MED26: variants seen among roughly 807,000 people sequenced by gnomAD.
MED26 encodes the protein mediator of RNA polymerase II transcription subunit 26.
In MED26, 7 loss-of-function variants were observed where a neutral mutation model predicts 43.7. That is an observed-to-expected ratio of 0.16 (90% confidence interval 0.09 to 0.30). MED26 has a LOEUF of 0.30. Ranked by LOEUF, MED26 falls within the 10% of genes least tolerant of loss-of-function variation. MED26 has a pLI of 1.00. For missense variants in MED26, 784 were observed against 840.6 expected (o/e 0.93, Z 0.83); for synonymous variants, 375 against 371.1 (o/e 1.01, Z -0.12).
intron 1 of MED26, among the ~76,000 whole-genome samples, chr19:16,590,627 C>T (rs2086091369): frequency 6.6e-6 from 1 of 152,156 alleles, no homozygotes; most frequent in Non-Finnish European, 1.5e-5. Flanking sequence ...AATTTCAGCT[C>T]CCTTTCTTTG....
At position 16,576,772 on chromosome 19, in the gene MED26, C is replaced by T; in HGVS notation, c.1058G>A (p.Gly353Glu). 2.5e-6 allele frequency: 4 copies of T among 1,607,114 alleles called. No homozygotes were observed. In the South Asian group the frequency reaches 4.4e-5, roughly 18 times the overall value. The change falls in exon 3 of 3, where the codon GGG becomes GAG. Residue 353 changes from glycine to glutamate, a missense_variant. Gly to Glu is a moderately conservative substitution (Grantham distance 98, BLOSUM62 -2). This residue lies in a region of MED26 where 719 missense variants were observed against 730.9 expected (regional missense o/e 0.98). Coordinates refer to ENST00000263390, the MANE Select transcript of MED26 (RefSeq NM_004831.5). The surrounding 1 kb of genome is among the most constrained non-coding windows in gnomAD (Gnocchi z 6.8). ...GGACAGCCCTGCCTTGCAGCCCGGC[C>T]CCGCCAGCCGCTGGTGGCTCTCAGG... ...EQPESHQRLA[G>E]PGCKAGLSPA...
intron 1 of MED26, among the ~76,000 whole-genome samples, chr19:16,623,653 A>G (rs1568292128): frequency 6.6e-6 from 1 of 152,134 alleles, no homozygotes. Context: ...TCCAGCCCCA[A>G]TCTGTAATCT....
chr19:16,614,761 A>C (rs915525665), intron 1 of MED26, among the ~76,000 whole-genome samples: 17 of 152,152 alleles, frequency 1.1e-4, no homozygotes, highest in African/African-American at 3.6e-4. Context: ...CCCTCGAACC[A>C]TGGGAGGAAT....
chr19:16,620,334 G>A lies in MED26; in HGVS notation c.72+7538C>T, dbSNP rs117930913. ...ATCTAGCCTCCTTCCAGCTGTGTCCGCTGAGCCTCAGTTTCCTCACTAGTA... is the reference window on the plus strand; with the variant it reads ...ATCTAGCCTCCTTCCAGCTGTGTCCACTGAGCCTCAGTTTCCTCACTAGTA... On this transcript the variant is annotated intron_variant, in intron 1 of 2. Coordinates refer to ENST00000263390, the MANE Select transcript of MED26 (RefSeq NM_004831.5). 1.5e-3 allele frequency among the ~76,000 whole-genome samples: 233 copies of A among 152,300 alleles called. 4 individuals are homozygous for A. In the East Asian group the frequency reaches 0.036, roughly 24 times the overall value.
chr19:16,578,149 C>G, intron 2 of MED26, 186 bp downstream of exon 2: 1 of 639,430 alleles, frequency 1.6e-6, no homozygotes, highest in Non-Finnish European at 2.8e-6. Flanking sequence ...GGGAGTAACA[C>G]CACTTGGTCT....
At chr19:16,606,695 G>A (rs539115432) in intron 1 of MED26, among the ~76,000 whole-genome samples, 1 of 152,242 alleles carries the variant, frequency 6.6e-6, no homozygotes, top group Non-Finnish European at 1.5e-5. Flanking sequence ...GCTCAGTGAT[G>A]AAGTCAGCAA....
intron 1 of MED26, among the ~76,000 whole-genome samples, chr19:16,582,236 G>C (rs1238710809): frequency 6.6e-6 from 1 of 152,254 alleles, no homozygotes; most frequent in Non-Finnish European, 1.5e-5. Context: ...GCCCTGCCCT[G>C]CGACCTCTGG....
chr19:16,614,208 C>T (rs532284540), intron 1 of MED26, among the ~76,000 whole-genome samples: 44 of 152,260 alleles, frequency 2.9e-4, no homozygotes, highest in Non-Finnish European at 4.3e-4. Context: ...CTGAAGCCTT[C>T]CAGCTAAGGT....
At chr19:16,578,242 A>G (rs1274396508) in intron 2 of MED26, 93 bp downstream of exon 2, 3 of 1,191,168 alleles carry the variant, frequency 2.5e-6, no homozygotes, top group East Asian at 4.7e-5. Flanking sequence ...AAGCAAAGAC[A>G]CTGATGCTCC....
intron 1 of MED26, among the ~76,000 whole-genome samples, chr19:16,603,078 C>T (rs1236968852): frequency 1.3e-5 from 2 of 152,224 alleles, no homozygotes; most frequent in African/African-American, 4.8e-5. Context: ...CTAAGAGGTC[C>T]TCCTGCCAGG....
chr19:16,583,997 C>G (rs977504285), intron 1 of MED26, among the ~76,000 whole-genome samples: 9 of 152,170 alleles, frequency 5.9e-5, no homozygotes, highest in Non-Finnish European at 2.9e-5. Flanking sequence ...CCCAGGAACA[C>G]ACGCATGGGG....
chr19:16,577,125 C>T lies in MED26; in HGVS notation c.705G>A (p.Leu235=), dbSNP rs1440904159. 2 of 1,613,234 alleles carry T rather than the reference C, an allele frequency of 1.2e-6. No individual in the cohort carries two copies. The highest frequency in any genetic ancestry group is 1.1e-5 in the South Asian group (1 of 91,076). ...GCAAGCAGGGTCCAGGGGGCTTGCC[C>T]AGGCCCGGGGAGCTGGTGTGCGGTC... ...AVRPHTSSPG[L]GKPPGPCLQP... The change falls in exon 3 of 3, where the codon CTG becomes CTA. Residue 235 remains leucine (L), a synonymous_variant. Transcript: ENST00000263390. The surrounding 1 kb of genome is among the most constrained non-coding windows in gnomAD (Gnocchi z 8.1).
intron 1 of MED26, among the ~76,000 whole-genome samples, chr19:16,622,865 C>G (rs1399933208): frequency 6.6e-6 from 1 of 152,216 alleles, no homozygotes; most frequent in Non-Finnish European, 1.5e-5. Flanking sequence ...CCTGGTTAAA[C>G]TAGAGCTCCA....
intron 1 of MED26, among the ~76,000 whole-genome samples, chr19:16,600,186 GGT>G (rs2086142037): frequency 2.0e-5 from 3 of 151,032 alleles, no homozygotes; most frequent in Non-Finnish European, 4.4e-5. Flanking sequence ...TCCTGCCACA[GGT>G]CCCTGCAGCA....
In MED26 at chr19:16,580,338, C is replaced by G. The variant is rs531116855; in HGVS notation, c.73-1929G>C. ...TCCTCTCTAGAGGATCCATTTCCTG[C>G]TCCTTCAGGTGTTAGCAGAGTTCAG... On this transcript the variant is annotated intron_variant, in intron 1 of 2. Coordinates refer to ENST00000263390, the MANE Select transcript of MED26 (RefSeq NM_004831.5). Among the ~76,000 whole-genome samples, 4 of 152,124 alleles carry G rather than the reference C, an allele frequency of 2.6e-5. No individual in the cohort carries two copies. In the South Asian group the frequency reaches 8.3e-4, roughly 32 times the overall value.
chr19:16,597,622 G>A lies in MED26; in HGVS notation c.73-19213C>T, dbSNP rs115314125. On this transcript the variant is annotated intron_variant, in intron 1 of 2. Coordinates refer to ENST00000263390, the MANE Select transcript of MED26 (RefSeq NM_004831.5). ...ACCCTCTCTCTCCTGGTTCCCAGCA[G>A]CACACAGAGGTGCGTCCGGCTCTGT... Among the ~76,000 whole-genome samples the A allele has an allele frequency of 4.1e-3, 623 of 152,320 alleles. 7 individuals are homozygous for A. Among genetic ancestry groups the A allele is most frequent in the African/African-American group, 0.014 (599 of 41,566 alleles).
rs1460240990 is a variant in MED26, at chr19:16,586,020, C to T, written c.73-7611G>A. Among the ~76,000 whole-genome samples the T allele has an allele frequency of 1.3e-5, 2 of 152,260 alleles. No individual in the cohort carries two copies. The highest frequency in any genetic ancestry group is 2.9e-5 in the Non-Finnish European group (2 of 68,044). On this transcript the variant is annotated intron_variant, in intron 1 of 2. Transcript: ENST00000263390. This position sits in a 1 kb window ranked among gnomAD's most constrained non-coding sequence, Gnocchi z 5.1. ...ACTGAGACTGAGTTTTGAGTCCCAG[C>T]AGCCCCTTGGCTTGCCTCTCCATTT... is the stretch of plus-strand genomic sequence containing the variant.
intron 1 of MED26, among the ~76,000 whole-genome samples, chr19:16,595,419 C>T (rs1162902485): frequency 3.3e-5 from 5 of 152,224 alleles, no homozygotes; most frequent in African/African-American, 1.2e-4. Context: ...TACTGAGCCA[C>T]TGCTGTTGTC....
Position 16,575,258 on chromosome 19 carries a change from G to T in MED26, c.*769C>A, listed in dbSNP as rs1238341542. ...TAGATGTGTACAGGAAGGGAAAAAA[G>T]AAAAGGGAGGAAGAAAGGAAAGGTT... On this transcript the variant is annotated 3_prime_UTR_variant, in exon 3 of 3. Transcript: ENST00000263390. The T allele has an allele frequency of 1.3e-5, 2 of 152,626 alleles. No individual in the cohort carries two copies. Among genetic ancestry groups the T allele is most frequent in the African/African-American group, 4.8e-5 (2 of 41,452 alleles). The allele number at this position is 152,626 out of a possible 1,614,324, so 9.5% of individuals were successfully genotyped here.
Sources: allele counts gnomAD v4.1 joint callset (sites outside exome capture counted in the v4.1 genomes callset), GRCh38; gene constraint gnomAD v4.1.1; regional missense constraint gnomAD v4.1.1; non-coding constraint Gnocchi (gnomAD v3.1); transcripts MANE v1.5; gene names NCBI Gene and HGNC (gene_info 2026-07-23, HGNC 2026-07-21).